The following SLC23A3 variants were observed in gnomAD, a reference collection of about 807,000 sequenced individuals.
The protein encoded by SLC23A3 is E2-binding protein 3.
In SLC23A3, 41 loss-of-function variants were observed where a neutral mutation model predicts 64.7. The observed-to-expected ratio is 0.63, with a 90% CI of 0.49 to 0.82. The LOEUF is 0.82. SLC23A3 is among the 40% of genes least tolerant of loss of function. The pLI is 0.00. For synonymous variants in SLC23A3, 281 were observed against 306.8 expected (o/e 0.92, Z 0.88); for missense variants, 647 against 733.4 (o/e 0.88, Z 1.36).
chr2:219,168,595 T>C (rs1950027495), intron 5 of SLC23A3, 57 bp downstream of exon 5: 4 of 1,540,386 alleles, frequency 2.6e-6, no homozygotes, highest in Non-Finnish European at 3.5e-6. Flanking sequence ...TGCCCTCCCC[T>C]AGTCCCCCCA....
intron 7 of SLC23A3, among the ~76,000 whole-genome samples, chr2:219,167,714 T>A (rs1011661782): frequency 7.9e-5 from 12 of 151,956 alleles, no homozygotes; most frequent in African/African-American, 2.9e-4. Flanking sequence ...CACTCCACCC[T>A]GTATGACAGA....
chr2:219,166,510 T>C (rs950169745), intron 7 of SLC23A3, among the ~76,000 whole-genome samples: 1 of 150,928 alleles, frequency 6.6e-6, no homozygotes, highest in Non-Finnish European at 1.5e-5. Context: ...TTATTTTATT[T>C]TATTTTATTT....
rs762549484 is a variant in SLC23A3, at chr2:219,169,416, C to T, written c.321-10G>A. ...CTGGACAAGAGGCAGCCTGTAGGAA[C>T]AGCAGCCCCAGCAGGTCTGGGACTA... On this transcript the variant is annotated splice_polypyrimidine_tract_variant and intron_variant, in intron 2 of 11. Coordinates refer to ENST00000409878, the MANE Select transcript of SLC23A3 (RefSeq NM_001144889.2). The surrounding 1 kb of genome is among the most constrained non-coding windows in gnomAD (Gnocchi z 4.5). The T allele has an allele frequency of 2.5e-6, 4 of 1,614,150 alleles. No homozygotes were observed. The highest frequency in any genetic ancestry group is 1.7e-5 in the Admixed American group (1 of 60,028).
In SLC23A3 at chr2:219,165,425, G is replaced by A. The variant is rs995067747; in HGVS notation, c.914-3C>T. 24 of 1,543,696 alleles carry A rather than the reference G, an allele frequency of 1.6e-5. No homozygotes were observed. The African/African-American group carries it at 1.9e-4, about 12-fold the overall frequency. ...CAGCAAAGGCCAATTCCACTCACCT[G>A]GGGAGGGAGAAGAAGCCACTTTGGG... On this transcript the variant is annotated splice_polypyrimidine_tract_variant and splice_region_variant and intron_variant, in intron 7 of 11. Coordinates refer to ENST00000409878, the MANE Select transcript of SLC23A3 (RefSeq NM_001144889.2).
rs200248868 is a variant in SLC23A3, at chr2:219,163,415, G to T, written c.1414C>A (p.Arg472=). The T allele has an allele frequency of 1.9e-6, 3 of 1,614,192 alleles. No homozygotes were observed. Among genetic ancestry groups the T allele is most frequent in the Non-Finnish European group, 2.5e-6 (3 of 1,180,042 alleles). The change falls in exon 10 of 12, where the codon CGG becomes AGG. Residue 472 remains arginine (R), a synonymous_variant. Coordinates refer to ENST00000409878, the MANE Select transcript of SLC23A3 (RefSeq NM_001144889.2). ...FMALLLPRWF[R]EAPVLFSTGW... ...GTGCTGAACAGGACTGGGGCTTCCC[G>T]AAACCATCTTGGCAGCAGCAAGGCC...
Position 219,162,088 on chromosome 2 carries a change from G to A in SLC23A3, c.1654C>T (p.Pro552Ser). The change falls in exon 12 of 12, where the codon CCC becomes TCC. Residue 552 changes from proline to serine, a missense_variant. Pro to Ser is a moderately conservative substitution (Grantham distance 74). Coordinates refer to ENST00000409878, the MANE Select transcript of SLC23A3 (RefSeq NM_001144889.2). ...KAAQVYRLPFPIQNLCPCIPQ... is the reference protein window; with the variant it reads ...KAAQVYRLPFSIQNLCPCIPQ... The stretch of plus-strand genomic sequence containing the variant: ...ATGCAGGGACAGAGGTTTTGGATGG[G>A]GAAAGGAAGTCTGTACACTTGAGCA... 6.2e-7 allele frequency: 1 copy of A among 1,614,198 alleles called. No homozygotes were observed. The highest frequency in any genetic ancestry group is 8.5e-7 in the Non-Finnish European group (1 of 1,180,026).
rs556004037 is a variant in SLC23A3, at chr2:219,165,296, G to C, written c.1040C>G (p.Pro347Arg). The change falls in exon 8 of 12, where the codon CCA becomes CGA. Residue 347 changes from proline to arginine, a missense_variant. Pro to Arg is a moderately radical substitution (Grantham distance 103). Transcript: ENST00000409878. ...CCCTCGACTGCAGGCATGTGGAGGT[G>C]GGGGAGGCAAATGCAGCAGCCGGCC... Reference protein sequence around the residue: ...LCGRLLHLPPPPPHACSRGLS... With the variant: ...LCGRLLHLPPRPPHACSRGLS... 1.7e-5 allele frequency: 26 copies of C among 1,551,600 alleles called. No homozygotes were observed. The African/African-American group carries it at 2.6e-4, about 15-fold the overall frequency.
intron 8 of SLC23A3, chr2:219,164,944 G>C (rs1217456666): frequency 1.8e-6 from 1 of 570,738 alleles, no homozygotes; most frequent in Non-Finnish European, 3.0e-6. Context: ...TTATGTGACT[G>C]GTTCTTTGCC....
At chr2:219,168,075 C>T (rs759780024) in intron 6 of SLC23A3, 31 bp from the exon 7 acceptor site, 1 of 1,562,148 alleles carries the variant, frequency 6.4e-7, no homozygotes, top group Admixed American at 2.1e-5. Context: ...AAGAACTCCT[C>T]CCCCAGAACC....
chr2:219,161,644 G>A lies in SLC23A3; in HGVS notation c.*265C>T, dbSNP rs1949942875. Reference sequence around the variant, plus strand: ...ATGCTCAGTAAGTATTAAAGTGAATGCTGGGGTTCAAGTGGCATTGATAGT... The same window carrying A: ...ATGCTCAGTAAGTATTAAAGTGAATACTGGGGTTCAAGTGGCATTGATAGT... On this transcript the variant is annotated 3_prime_UTR_variant, in exon 12 of 12. Coordinates refer to ENST00000409878, the MANE Select transcript of SLC23A3 (RefSeq NM_001144889.2). 2.8e-6 allele frequency: 1 copy of A among 351,122 alleles called. No individual in the cohort carries two copies. The highest frequency in any genetic ancestry group is 5.2e-6 in the Non-Finnish European group (1 of 193,866). 21.8% of individuals were successfully genotyped at this position (351,122 alleles called of 1,614,324 possible).
rs772908389 is a variant in SLC23A3, at chr2:219,169,526, G to C, written c.315C>G (p.Gly105=). Residue 105 remains glycine, a synonymous_variant, in exon 2 of 12, where the codon GGC becomes GGG. Transcript: ENST00000409878. This position sits in a 1 kb window ranked among gnomAD's most constrained non-coding sequence, Gnocchi z 4.5. ...TCCAGGGAGGTTCCTCTCACCTGCTGCCCATCCAAGTTTGCAGGATGGTAG... is the reference window on the plus strand; with the variant it reads ...TCCAGGGAGGTTCCTCTCACCTGCTCCCCATCCAAGTTTGCAGGATGGTAG... ...GMSTILQTWM[G]SRLPLVQAPS... 12 of 1,614,000 alleles carry C rather than the reference G, an allele frequency of 7.4e-6. No individual in the cohort carries two copies. The Admixed American group carries it at 8.3e-5, about 11-fold the overall frequency.
chr2:219,166,196 GGTTT>G (rs764953272), intron 7 of SLC23A3, among the ~76,000 whole-genome samples: 1 of 151,656 alleles, frequency 6.6e-6, no homozygotes, highest in East Asian at 1.9e-4. Flanking sequence ...TAAGTTTTTT[GGTTT>G]GTTTGTTTGT....
intron 5 of SLC23A3, 44 bp downstream of exon 5, chr2:219,168,608 C>T (rs1950027717): frequency 1.9e-6 from 3 of 1,585,534 alleles, no homozygotes; most frequent in East Asian, 2.2e-5. Flanking sequence ...TCCCCCCATA[C>T]ACCCCCACTG....
At chr2:219,165,882 C>G (rs550444003) in intron 7 of SLC23A3, among the ~76,000 whole-genome samples, 8 of 152,350 alleles carry the variant, frequency 5.3e-5, no homozygotes, top group Admixed American at 3.3e-4. Context: ...GCCTGTAATC[C>G]CAGCACTTTG....
At position 219,164,502 on chromosome 2, in the gene SLC23A3, A is replaced by G. The variant is rs574414772; in HGVS notation, c.1168-164T>C. ...AAACGTGCCTCCTTTCCATCCCACT[A>G]CCCTGATTTTTTTATATAGCACTTA... On this transcript the variant is annotated intron_variant, in intron 8 of 11. Transcript: ENST00000409878. 25 of 565,254 alleles carry G rather than the reference A, an allele frequency of 4.4e-5. No individual in the cohort carries two copies. The Admixed American group carries it at 8.2e-4, about 19-fold the overall frequency. The allele number at this position is 565,254 out of a possible 1,614,324, so 35.0% of individuals were successfully genotyped here. A position where few individuals can be genotyped will look rare whatever the true frequency, so the allele number is the denominator to read the frequency against.
rs1249605314 is a variant in SLC23A3, at chr2:219,162,123, C to T, written c.1619G>A (p.Arg540Lys). 6.2e-7 allele frequency: 1 copy of T among 1,614,150 alleles called. No homozygotes were observed. The highest frequency in any genetic ancestry group is 8.5e-7 in the Non-Finnish European group (1 of 1,180,014). The change falls in exon 12 of 12, where the codon AGG (arginine) becomes AAG (lysine). Residue 540 changes from arginine to lysine, a missense_variant. Transcript: ENST00000409878. ...TCTGTACACTTGAGCAGCCTTCTCC[C>T]TGGGCTTCTGAGGCATTCGAGCCTC... ...AQEARMPQKP[R>K]EKAAQVYRLP...
chr2:219,168,125 G>A (rs1950022208), intron 6 of SLC23A3, 70 bp downstream of exon 6: 1 of 1,583,404 alleles, frequency 6.3e-7, no homozygotes, highest in African/African-American at 1.4e-5. Context: ...AAGCCAAAAG[G>A]TAGGGGATGG....
At chr2:219,166,436 A>G (rs916805557) in intron 7 of SLC23A3, among the ~76,000 whole-genome samples, 9 of 152,132 alleles carry the variant, frequency 5.9e-5, no homozygotes, top group East Asian at 1.9e-4. Context: ...AGCTCAAGCA[A>G]TCCTCCCACC....
chr2:219,163,922 G>A (rs1218886062), intron 9 of SLC23A3, among the ~76,000 whole-genome samples: 1 of 151,894 alleles, frequency 6.6e-6, no homozygotes, highest in African/African-American at 2.4e-5. Flanking sequence ...GGCTGATCTC[G>A]AACTCCTGAC....
Sources: allele counts gnomAD v4.1 joint callset (sites outside exome capture counted in the v4.1 genomes callset), GRCh38; gene constraint gnomAD v4.1.1; non-coding constraint Gnocchi (gnomAD v3.1); transcripts MANE v1.5; gene names NCBI Gene and HGNC (gene_info 2026-07-23, HGNC 2026-07-21).